ART1: variants seen among roughly 807,000 people sequenced by gnomAD.
ART1 encodes the protein GPI-linked NAD(P)(+)--arginine ADP-ribosyltransferase 1.
ART1 carries 29 observed loss-of-function variants against 27.0 expected under a neutral mutation model. That is an observed-to-expected ratio of 1.08 (90% CI 0.80 to 1.47). The LOEUF (loss-of-function observed/expected upper bound fraction) is 1.47. Ranked by LOEUF, ART1 falls within the 40% of genes most tolerant of loss-of-function variation. The pLI is 0.00. For missense variants in ART1, 480 were observed against 423.0 expected (o/e 1.13, Z -1.18); for synonymous variants, 201 against 172.2 (o/e 1.17, Z -1.31).
chr11:3,649,898 C>A (rs1478958007), intron 1 of ART1, among the ~76,000 whole-genome samples: 6 of 152,174 alleles, frequency 3.9e-5, no homozygotes, highest in African/African-American at 1.4e-4. Flanking sequence ...CAGCCCTAGA[C>A]CCTAAAATGT....
intron 1 of ART1, among the ~76,000 whole-genome samples, chr11:3,648,368 G>A (rs556658320): frequency 6.6e-6 from 1 of 152,240 alleles, no homozygotes; most frequent in Non-Finnish European, 1.5e-5. Context: ...CTGTCCTCCT[G>A]CTCTTTGCTC....
At chr11:3,657,372 C>T (rs553228884) in intron 1 of ART1, among the ~76,000 whole-genome samples, 1 of 152,092 alleles carries the variant, frequency 6.6e-6, no homozygotes, top group Admixed American at 6.5e-5. Context: ...CCCAGGAATT[C>T]GAGATCAGCC....
chr11:3,649,319 C>T (rs2077497708), intron 1 of ART1, among the ~76,000 whole-genome samples: 1 of 152,178 alleles, frequency 6.6e-6, no homozygotes, highest in South Asian at 2.1e-4. Flanking sequence ...TTCCAAATAG[C>T]CAGAAAACGG....
At chr11:3,657,109 A>G (rs16925380) in intron 1 of ART1, among the ~76,000 whole-genome samples, 5,446 of 152,314 alleles carry the variant, frequency 0.036, 151 homozygotes, top group South Asian at 0.13. Context: ...AGAGGAGATG[A>G]TAAAGCAGCG....
chr11:3,648,207 G>A (rs1458845563), intron 1 of ART1, among the ~76,000 whole-genome samples: 1 of 152,016 alleles, frequency 6.6e-6, no homozygotes, highest in Non-Finnish European at 1.5e-5. Context: ...TCCCTTCGCT[G>A]ACTCTCTTTT....
intron 4 of ART1, among the ~76,000 whole-genome samples, chr11:3,662,573 G>C (rs2077628315): frequency 6.6e-6 from 1 of 152,240 alleles, no homozygotes. Flanking sequence ...GGCCGGGTGT[G>C]GTGGCTCACG....
At chr11:3,645,779 G>A (rs183495121) in intron 1 of ART1, among the ~76,000 whole-genome samples, 12 of 152,316 alleles carry the variant, frequency 7.9e-5, no homozygotes, top group Admixed American at 2.0e-4. Flanking sequence ...GGACAGCACA[G>A]GGTGATACCA....
chr11:3,664,372 C>T lies in ART1; in HGVS notation c.*183C>T, dbSNP rs909412200. 5 of 604,184 alleles carry T rather than the reference C, an allele frequency of 8.3e-6. No homozygotes were observed. The highest frequency in any genetic ancestry group is 1.9e-5 in the African/African-American group (1 of 53,656). The allele number at this position is 604,184 out of a possible 1,614,324, so 37.4% of individuals were successfully genotyped here. A position where few individuals can be genotyped will look rare whatever the true frequency, so the allele number is the denominator to read the frequency against. On this transcript the variant is annotated 3_prime_UTR_variant, in exon 5 of 5. Transcript: ENST00000250693. ...GAGACAATCTGGGGACTGAACCTTA[C>T]CCAGGGCTGTAGGAGTGAGACTCTG...
At chr11:3,647,672 A>G (rs1160086116) in intron 1 of ART1, among the ~76,000 whole-genome samples, 1 of 152,042 alleles carries the variant, frequency 6.6e-6, no homozygotes, top group African/African-American at 2.4e-5. Context: ...ATAAAAATAA[A>G]ATGAAAACAA....
At chr11:3,653,053 A>G (rs1451800400) in intron 1 of ART1, among the ~76,000 whole-genome samples, 1 of 148,076 alleles carries the variant, frequency 6.8e-6, no homozygotes, top group South Asian at 2.2e-4. Flanking sequence ...CCCTTACCAC[A>G]AAATCTTCGT....
chr11:3,658,423 C>T (rs2077590926), intron 1 of ART1, among the ~76,000 whole-genome samples: 1 of 152,112 alleles, frequency 6.6e-6, no homozygotes, highest in Non-Finnish European at 1.5e-5. Context: ...TTCCTGGAAC[C>T]ACTTCGGGCA....
chr11:3,658,669 G>C (rs1024107864), intron 1 of ART1, among the ~76,000 whole-genome samples: 1 of 152,144 alleles, frequency 6.6e-6, no homozygotes, highest in Non-Finnish European at 1.5e-5. Flanking sequence ...TGGAGATCCT[G>C]CTAAGGCCCC....
intron 1 of ART1, among the ~76,000 whole-genome samples, chr11:3,655,929 T>TTG (rs2077571115): frequency 4.3e-5 from 1 of 23,264 alleles, no homozygotes; most frequent in Non-Finnish European, 1.2e-4. Flanking sequence ...AGCTCAAGTC[T>TTG]TTTTTTTTTT....
intron 1 of ART1, among the ~76,000 whole-genome samples, chr11:3,656,336 C>T (rs1169128031): frequency 6.6e-6 from 1 of 151,738 alleles, no homozygotes; most frequent in Non-Finnish European, 1.5e-5. Flanking sequence ...AGATATGCAC[C>T]ACCACACCTG....
chr11:3,660,020 C>T lies in ART1; in HGVS notation c.501C>T (p.Ser167=), dbSNP rs147920431. Residue 167 remains serine, a synonymous_variant, in exon 3 of 5, where the codon AGC becomes AGT. Transcript: ENST00000250693. ...CTGAGGCCCTGCAGCTCCTGGGCAG[C>T]GGCCAGCGTCCACCCCGGTGCCACC... ...LLTEALQLLG[S]GQRPPRCHQV... The T allele has an allele frequency of 2.0e-4, 328 of 1,613,710 alleles. No homozygotes were observed. The highest frequency in any genetic ancestry group is 3.3e-4 in the East Asian group (15 of 44,888).
At chr11:3,648,865 C>T (rs544474906) in intron 1 of ART1, among the ~76,000 whole-genome samples, 3 of 152,198 alleles carry the variant, frequency 2.0e-5, no homozygotes, top group East Asian at 3.9e-4. Context: ...CTCCTCAACC[C>T]CTTCTCCTTC....
At position 3,661,499 on chromosome 11, in the gene ART1, T is replaced by A. The variant is rs1589925913; in HGVS notation, c.886+86T>A. 9 of 1,136,356 alleles carry A rather than the reference T, an allele frequency of 7.9e-6. 1 individual carries two copies. The highest frequency in any genetic ancestry group is 6.3e-5 in the African/African-American group (4 of 63,152). The allele number at this position is 1,136,356 out of a possible 1,614,324, so 70.4% of individuals were successfully genotyped here. A position where few individuals can be genotyped will look rare whatever the true frequency, so the allele number is the denominator to read the frequency against. ...GCCCCATCACCTCGATCTTTTTTTT[T>A]TTTTTTTTTTTTGAGACAGAGTTTC... On this transcript the variant is annotated intron_variant, in intron 4 of 4. Coordinates refer to ENST00000250693, the MANE Select transcript of ART1 (RefSeq NM_004314.3).
intron 1 of ART1, among the ~76,000 whole-genome samples, chr11:3,653,277 A>C (rs1192389818): frequency 1.3e-5 from 2 of 148,786 alleles, no homozygotes; most frequent in African/African-American, 2.6e-5. Context: ...TGTGACCTGC[A>C]CATACACATC....
At chr11:3,653,013 A>G (rs1186195849) in intron 1 of ART1, among the ~76,000 whole-genome samples, 1 of 147,810 alleles carries the variant, frequency 6.8e-6, no homozygotes. Flanking sequence ...TACACGACAA[A>G]TGTTTCTTCT....
Sources: allele counts gnomAD v4.1 joint callset (sites outside exome capture counted in the v4.1 genomes callset), GRCh38; gene constraint gnomAD v4.1.1; transcripts MANE v1.5; gene names NCBI Gene and HGNC (gene_info 2026-07-23, HGNC 2026-07-21).